Variants in GLP1R observed in about 807,000 individuals in gnomAD.
GLP1R encodes the protein glucagon like peptide 1 receptor, also known as glucagon-like peptide 1 receptor.
Under a neutral mutation model 68.4 loss-of-function variants are expected in GLP1R, and 32 were observed. The ratio of observed to expected loss-of-function variants is 0.47; its 90% CI spans 0.35 to 0.63. The LOEUF is 0.63. Ranked by LOEUF, GLP1R falls within the 20% of genes least tolerant of loss-of-function variation. The probability of loss-of-function intolerance (pLI) is 0.00; values close to 1 mark genes in which losing one functional copy is unlikely to be tolerated. For synonymous variants in GLP1R, 263 were observed against 244.4 expected, an observed-to-expected ratio of 1.08 and a Z score of -0.71; for missense variants, 502 against 594.9, an observed-to-expected ratio of 0.84 and a Z score of 1.62.
chr6:39,077,976 T>A (rs1297884442), intron 7 of GLP1R, among the ~76,000 whole-genome samples: 1 of 152,186 alleles, frequency 6.6e-6, no homozygotes, highest in East Asian at 1.9e-4. Context: ...TCCGTCATGC[T>A]GTCCCCACCG....
In GLP1R at chr6:39,089,195, G is replaced by A. The variant is rs1019868742; in HGVS notation, c.*3122G>A. ...CATCCTTGTCTTAAACTTAAGAAAT[G>A]AAATGCATCAGGGCACACATATACA... On this transcript the variant is annotated 3_prime_UTR_variant, in exon 13 of 13. Transcript: ENST00000373256. The surrounding 1 kb of genome is among the most constrained non-coding windows in gnomAD (Gnocchi z 4.1). Among the ~76,000 whole-genome samples, 4 of 152,212 alleles carry A rather than the reference G, an allele frequency of 2.6e-5. No individual in the cohort carries two copies. Among genetic ancestry groups the A allele is most frequent in the Admixed American group, 6.5e-5 (1 of 15,282 alleles).
chr6:39,088,734 A>G lies in GLP1R; in HGVS notation c.*2661A>G, dbSNP rs1316423307. Among the ~76,000 whole-genome samples the G allele has an allele frequency of 6.6e-6, 1 of 152,188 alleles. No homozygotes were observed. Among genetic ancestry groups the G allele is most frequent in the Admixed American group, 6.5e-5 (1 of 15,278 alleles). ...CCTTCCCTTTAAAATGAGCTTCTGGATTGCAGAGATGATTTTTTATGGTCT... is the reference window on the plus strand; with the variant it reads ...CCTTCCCTTTAAAATGAGCTTCTGGGTTGCAGAGATGATTTTTTATGGTCT... On this transcript the variant is annotated 3_prime_UTR_variant, in exon 13 of 13. Coordinates refer to ENST00000373256, the MANE Select transcript of GLP1R (RefSeq NM_002062.5).
In GLP1R at chr6:39,056,448, C is replaced by T. The variant is rs201675748; in HGVS notation, c.130C>T (p.Arg44Cys). Reference sequence around the variant, plus strand: ...GGTGCAGAAATGGCGAGAATACCGACGCCAGTGCCAGCGCTCCCTGACTGA... The same window carrying T: ...GGTGCAGAAATGGCGAGAATACCGATGCCAGTGCCAGCGCTCCCTGACTGA... ...ETVQKWREYRRQCQRSLTEDP... is the reference protein window; with the variant it reads ...ETVQKWREYRCQCQRSLTEDP... Residue 44 changes from arginine (R) to cysteine (C), a missense_variant, in exon 2 of 13, where the codon CGC becomes TGC. Physicochemically the swap from Arg to Cys is radical, Grantham distance 180 (BLOSUM62 -3). Transcript: ENST00000373256. 38 of 1,610,822 alleles carry T rather than the reference C, an allele frequency of 2.4e-5. 1 individual carries two copies. Among genetic ancestry groups the T allele is most frequent in the African/African-American group, 1.7e-4 (13 of 74,840 alleles).
chr6:39,048,982 T>A, intron 1 of GLP1R, 64 bp downstream of exon 1: 2 of 662,038 alleles, frequency 3.0e-6, no homozygotes, highest in Non-Finnish European at 2.3e-6. Flanking sequence ...GCAGGCGCAG[T>A]GTCCTGGTGG....
rs78341632 is a variant in GLP1R, at chr6:39,090,646, T to C, written c.*4573T>C. ...CCACCAGCTTGGATCCTAACTTACA[T>C]TGGGTGGTGCAACCTTTCTGACGGG... On this transcript the variant is annotated 3_prime_UTR_variant, in exon 13 of 13. Transcript: ENST00000373256. Among the ~76,000 whole-genome samples, 2,504 of 152,226 alleles carry C rather than the reference T, an allele frequency of 0.016. 75 individuals carry two copies. The highest frequency in any genetic ancestry group is 0.056 in the African/African-American group (2,341 of 41,508).
chr6:39,075,521 G>A (rs1020694487), intron 7 of GLP1R, among the ~76,000 whole-genome samples: 2 of 152,164 alleles, frequency 1.3e-5, no homozygotes, highest in African/African-American at 4.8e-5. Flanking sequence ...GGGGGAGGGA[G>A]TGCCAAGTCC....
chr6:39,062,702 C>T (rs931019409), intron 3 of GLP1R, among the ~76,000 whole-genome samples: 11 of 152,240 alleles, frequency 7.2e-5, no homozygotes, highest in Non-Finnish European at 1.5e-4. Flanking sequence ...TTCCTATTAA[C>T]AGCAAGTTTG....
rs1474143497 is a variant in GLP1R, at chr6:39,087,004, TTATC to T, written c.*933_*936del. On this transcript the variant is annotated 3_prime_UTR_variant, in exon 13 of 13. Transcript: ENST00000373256. ...GCCTCCACCTCTCCTTGGAAATACTTTATCTGTGACCACACGCTGTCTCTTGAGA... is the reference window on the plus strand; with the variant it reads ...GCCTCCACCTCTCCTTGGAAATACTTTGTGACCACACGCTGTCTCTTGAGA... 1 of 152,258 alleles carries T rather than the reference TTATC, an allele frequency of 6.6e-6. No individual in the cohort carries two copies. Among genetic ancestry groups the T allele is most frequent in the East Asian group, 1.9e-4 (1 of 5,196 alleles). The allele number at this position is 152,258 out of a possible 1,614,324, so 9.4% of individuals were successfully genotyped here.
At chr6:39,063,608 T>C (rs888393970) in intron 3 of GLP1R, among the ~76,000 whole-genome samples, 1 of 152,038 alleles carries the variant, frequency 6.6e-6, no homozygotes, top group African/African-American at 2.4e-5. Context: ...ATAATTTCTG[T>C]GTCTTGAAGG....
At chr6:39,065,508 C>T (rs1168590237) in intron 3 of GLP1R, among the ~76,000 whole-genome samples, 4 of 152,148 alleles carry the variant, frequency 2.6e-5, no homozygotes, top group Non-Finnish European at 5.9e-5. Flanking sequence ...CCTGGACCAA[C>T]AGCGTATATG....
chr6:39,074,011 A>G (rs1768746015), intron 7 of GLP1R, among the ~76,000 whole-genome samples: 1 of 151,862 alleles, frequency 6.6e-6, no homozygotes, highest in Admixed American at 6.6e-5. Context: ...GTGGCCAAAC[A>G]CCACCCTCTA....
At chr6:39,073,856 T>C in intron 7 of GLP1R, 87 bp downstream of exon 7, 1 of 1,270,130 alleles carries the variant, frequency 7.9e-7, no homozygotes, top group Non-Finnish European at 1.1e-6. Flanking sequence ...TGGAACGCAC[T>C]GCTGAGCAAG....
At position 39,080,700 on chromosome 6, in the gene GLP1R, G is replaced by T; in HGVS notation, c.1185G>T (p.Gly395=). The change falls in exon 12 of 13, where the codon GGG becomes GGT. Residue 395 remains glycine, a splice_region_variant and synonymous_variant. Coordinates refer to ENST00000373256, the MANE Select transcript of GLP1R (RefSeq NM_002062.5). ...FTELSFTSFQ[G]LMVAILYCFV... The stretch of plus-strand genomic sequence containing the variant: ...CTTGATGTGACTCTTGTTTCCAGGG[G>T]CTGATGGTGGCCATATTATACTGCT... 3.8e-6 allele frequency: 6 copies of T among 1,595,884 alleles called. No homozygotes were observed. Among genetic ancestry groups the T allele is most frequent in the Non-Finnish European group, 5.1e-6 (6 of 1,169,748 alleles).
At chr6:39,076,848 G>A (rs762298711) in intron 7 of GLP1R, among the ~76,000 whole-genome samples, 3 of 152,048 alleles carry the variant, frequency 2.0e-5, no homozygotes, top group East Asian at 3.9e-4. Flanking sequence ...CCCTGAATTC[G>A]AGCCCCACCT....
In GLP1R at chr6:39,086,198, CACACACAT is replaced by C. The variant is rs1554173036; in HGVS notation, c.*129_*136del. On this transcript the variant is annotated 3_prime_UTR_variant, in exon 13 of 13. Transcript: ENST00000373256. This position sits in a 1 kb window ranked among gnomAD's most constrained non-coding sequence, Gnocchi z 4.5. Reference sequence around the variant, plus strand: ...ACACACACACACACACACACACACACACACACATACATCCTGCTTTCCCTCCCCAAACC... The same window carrying C: ...ACACACACACACACACACACACACACACATCCTGCTTTCCCTCCCCAAACC... 1,704 of 573,810 alleles carry C rather than the reference CACACACAT, an allele frequency of 3.0e-3. 18 individuals carry two copies. In the East Asian group the frequency reaches 0.069, roughly 23 times the overall value. 35.5% of individuals were successfully genotyped at this position (573,810 alleles called of 1,614,324 possible). A position where few individuals can be genotyped will look rare whatever the true frequency, so the allele number is the denominator to read the frequency against.
chr6:39,055,735 G>A (rs1014309622), intron 1 of GLP1R, among the ~76,000 whole-genome samples: 1 of 150,896 alleles, frequency 6.6e-6, no homozygotes, highest in Admixed American at 6.6e-5. Flanking sequence ...GGTGGGGGGT[G>A]CTGTGTTGAG....
At chr6:39,062,485 C>T (rs1318022655) in intron 3 of GLP1R, among the ~76,000 whole-genome samples, 2 of 152,232 alleles carry the variant, frequency 1.3e-5, no homozygotes, top group Non-Finnish European at 2.9e-5. Flanking sequence ...GCGAGGGACA[C>T]AGTGATCCTT....
chr6:39,085,535 G>A (rs988552062), intron 12 of GLP1R, among the ~76,000 whole-genome samples: 7 of 152,304 alleles, frequency 4.6e-5, no homozygotes, highest in East Asian at 1.9e-4. Flanking sequence ...TGGACTGTGC[G>A]CTGTAAAGAC....
chr6:39,057,654 C>A, intron 3 of GLP1R, 75 bp downstream of exon 3: 1 of 831,742 alleles, frequency 1.2e-6, no homozygotes. Context: ...GGTATCTGCC[C>A]TGGGCCAGCA....
Sources: gnomAD v4.1 joint callset for allele counts (sites outside exome capture counted in the v4.1 genomes callset) on GRCh38, gnomAD v4.1.1 for gene constraint, Gnocchi (gnomAD v3.1) non-coding constraint, MANE v1.5 for transcripts, NCBI Gene and HGNC (gene_info 2026-07-23, HGNC 2026-07-21) for gene names.